The following SYNE1 variants were observed in gnomAD, a reference collection of about 807,000 sequenced individuals.
The protein encoded by SYNE1 is nesprin-1.
Under a neutral mutation model 1,111.0 loss-of-function variants are expected in SYNE1, and 616 were observed. That is an observed-to-expected ratio of 0.55 (90% confidence interval 0.52 to 0.59). The LOEUF (loss-of-function observed/expected upper bound fraction) is 0.59. Among genes scored for constraint, SYNE1 ranks in the 20% least tolerant of loss-of-function variants. SYNE1 has a pLI of 0.00. For missense variants in SYNE1, 10,006 were observed against 10,417.0 expected, an observed-to-expected ratio of 0.96 and a Z score of 1.72; for synonymous variants, 3,855 against 3,825.8, an observed-to-expected ratio of 1.01 and a Z score of -0.28.
Position 152,232,280 on chromosome 6 carries a change from G to A in SYNE1, c.20713-15C>T. The A allele has an allele frequency of 9.3e-6, 15 of 1,613,724 alleles. No homozygotes were observed. Among genetic ancestry groups the A allele is most frequent in the Non-Finnish European group, 1.3e-5 (15 of 1,179,816 alleles). ...TCCATCTGGAGCTGTCCAAGTCAGG[G>A]AGAGAACCAGTCCCAAGTGTTAAAA... On this transcript the variant is annotated splice_polypyrimidine_tract_variant and intron_variant, in intron 112 of 145. Coordinates refer to ENST00000367255, the MANE Select transcript of SYNE1 (RefSeq NM_182961.4).
chr6:152,616,899 T>C (rs1293026603), intron 3 of SYNE1, among the ~76,000 whole-genome samples: 2 of 152,192 alleles, frequency 1.3e-5, no homozygotes, highest in African/African-American at 4.8e-5. Flanking sequence ...TGCCCTGTTG[T>C]GTATTAATTA....
rs780029496 is a variant in SYNE1, at chr6:152,156,013, C to T, written c.23875G>A (p.Ala7959Thr). The change falls in exon 132 of 146, where the codon GCC becomes ACC. Residue 7959 changes from alanine (A) to threonine (T), a missense_variant. Ala to Thr is a moderately conservative substitution (Grantham distance 58). Transcript: ENST00000367255. Reference sequence around the variant, plus strand: ...TCACACTCGGCATCAGTGGCACAGGCGTCACAGTCGTGCAGCAGGACTTCA... The same window carrying T: ...TCACACTCGGCATCAGTGGCACAGGTGTCACAGTCGTGCAGCAGGACTTCA... ...LCEVLLHDCD[A>T]CATDAECDSI... The T allele has an allele frequency of 2.0e-5, 32 of 1,614,034 alleles. No individual in the cohort carries two copies. The highest frequency in any genetic ancestry group is 5.0e-5 in the Admixed American group (3 of 59,996).
At chr6:152,196,277 T>C (rs1303886637) in intron 127 of SYNE1, among the ~76,000 whole-genome samples, 4 of 152,112 alleles carry the variant, frequency 2.6e-5, no homozygotes, top group Non-Finnish European at 5.9e-5. Context: ...TTCCTGTTGT[T>C]GCTATGCTGG....
chr6:152,505,882 C>A (rs1205792958), intron 8 of SYNE1, among the ~76,000 whole-genome samples: 3 of 152,198 alleles, frequency 2.0e-5, no homozygotes, highest in Admixed American at 2.0e-4. Context: ...GTGTTGTACA[C>A]AGGTTATCAC....
chr6:152,455,403 T>A (rs1392916387), intron 24 of SYNE1, 23 bp downstream of exon 24: 1 of 1,608,106 alleles, frequency 6.2e-7, no homozygotes. Context: ...TCAGGTCAAG[T>A]GTCCCCTAAA....
chr6:152,462,874 T>C lies in SYNE1; in HGVS notation c.2114A>G (p.Glu705Gly). The change falls in exon 20 of 146, where the codon GAG becomes GGG. Residue 705 changes from glutamate (E) to glycine (G), a missense_variant. This residue lies in a region of SYNE1 where 1,971 missense variants were observed against 2,084.1 expected (regional missense o/e 0.95). Coordinates refer to ENST00000367255, the MANE Select transcript of SYNE1 (RefSeq NM_182961.4). Reference protein sequence around the residue: ...MEVKQYAQADEMDRMKKEYTD... With the variant: ...MEVKQYAQADGMDRMKKEYTD... The stretch of plus-strand genomic sequence containing the variant: ...GTATTCCTTCTTCATTCTGTCCATC[T>C]CATCAGCTTGAGCATACTGTTAAGG... 6.2e-7 allele frequency: 1 copy of C among 1,613,932 alleles called. No individual in the cohort carries two copies. Among genetic ancestry groups the C allele is most frequent in the Non-Finnish European group, 8.5e-7 (1 of 1,179,902 alleles).
chr6:152,337,993 C>T (rs1326585711), intron 75 of SYNE1, among the ~76,000 whole-genome samples: 1 of 151,800 alleles, frequency 6.6e-6, no homozygotes, highest in Non-Finnish European at 1.5e-5. Flanking sequence ...ACTAAAATAC[C>T]AAAAAGTAGC....
At chr6:152,195,318 A>G (rs1394354718) in intron 127 of SYNE1, among the ~76,000 whole-genome samples, 1 of 152,184 alleles carries the variant, frequency 6.6e-6, no homozygotes, top group Non-Finnish European at 1.5e-5. Context: ...TTTTTGGGTT[A>G]GGTCATGTTT....
rs534812492 is a variant in SYNE1, at chr6:152,248,661, C to G, written c.19572+500G>C. 2.0e-5 allele frequency among the ~76,000 whole-genome samples: 3 copies of G among 152,272 alleles called. No homozygotes were observed. In the South Asian group the frequency reaches 6.2e-4, roughly 32 times the overall value. ...TTACCTGTGTTTTTCCCTAAGTGCT[C>G]AGAATTCTCTAACAATTTGTGCCTT... On this transcript the variant is annotated intron_variant, in intron 105 of 145. Transcript: ENST00000367255.
intron 11 of SYNE1, among the ~76,000 whole-genome samples, chr6:152,495,911 A>G (rs56146676): frequency 2.4e-3 from 360 of 152,358 alleles, no homozygotes; most frequent in African/African-American, 8.5e-3. Context: ...AGAATTAAAA[A>G]GAAAATTTTA....
chr6:152,408,869 G>A (rs373316728), intron 44 of SYNE1, among the ~76,000 whole-genome samples, 199 bp downstream of exon 44: 15 of 151,866 alleles, frequency 9.9e-5, no homozygotes, highest in East Asian at 5.8e-4. Flanking sequence ...CAGGAGAATC[G>A]CTTGAAGCCA....
At chr6:152,186,353 T>G (rs1010602378) in intron 128 of SYNE1, among the ~76,000 whole-genome samples, 1 of 151,674 alleles carries the variant, frequency 6.6e-6, no homozygotes, top group Non-Finnish European at 1.5e-5. Context: ...GGTCGGGAGT[T>G]GGAGACCAGC....
chr6:152,155,421 T>C, intron 132 of SYNE1: 1 of 313,712 alleles, frequency 3.2e-6, no homozygotes, highest in Non-Finnish European at 6.1e-6. Flanking sequence ...TCCATTTAAG[T>C]CCAACATTCA....
intron 100 of SYNE1, among the ~76,000 whole-genome samples, chr6:152,267,466 C>G (rs763498207): frequency 1.3e-5 from 2 of 152,144 alleles, no homozygotes; most frequent in African/African-American, 4.8e-5. Flanking sequence ...AAGTGACCTT[C>G]GTGGAACTAG....
intron 96 of SYNE1, among the ~76,000 whole-genome samples, chr6:152,282,245 T>C (rs1267448376): frequency 6.6e-6 from 1 of 152,140 alleles, no homozygotes; most frequent in Non-Finnish European, 1.5e-5. Flanking sequence ...AACATACCTA[T>C]AGGACCAGGC....
intron 145 of SYNE1, among the ~76,000 whole-genome samples, chr6:152,124,827 T>C (rs2052783984): frequency 6.6e-6 from 1 of 152,204 alleles, no homozygotes; most frequent in Non-Finnish European, 1.5e-5. Flanking sequence ...GACAGGGCCT[T>C]AGAGAGCATC....
chr6:152,595,020 A>G (rs751792756), intron 3 of SYNE1, among the ~76,000 whole-genome samples: 2 of 152,174 alleles, frequency 1.3e-5, no homozygotes, highest in African/African-American at 2.4e-5. Flanking sequence ...TAAAACTCCA[A>G]TAGCCTGGAT....
intron 3 of SYNE1, among the ~76,000 whole-genome samples, chr6:152,606,977 TC>T (rs1195393366): frequency 5.9e-5 from 6 of 101,294 alleles, no homozygotes; most frequent in African/African-American, 1.7e-4. Flanking sequence ...GCCTCGGTTC[TC>T]TTTTTTTTTT....
At chr6:152,601,560 A>G (rs1030433727) in intron 3 of SYNE1, among the ~76,000 whole-genome samples, 1 of 152,196 alleles carries the variant, frequency 6.6e-6, no homozygotes, top group African/African-American at 2.4e-5. Flanking sequence ...CAATATACAA[A>G]GAACCCAGGC....
Sources: gnomAD v4.1 joint callset for allele counts (sites outside exome capture counted in the v4.1 genomes callset) on GRCh38, gnomAD v4.1.1 for gene constraint, gnomAD v4.1.1 regional missense constraint, MANE v1.5 for transcripts, NCBI Gene and HGNC (gene_info 2026-07-23, HGNC 2026-07-21) for gene names.